The following SAMD9L variants were observed in gnomAD, a reference collection of about 807,000 sequenced individuals.
The protein encoded by SAMD9L is sterile alpha motif domain containing 9 like.
A neutral mutation model predicts 90.7 loss-of-function variants in SAMD9L; 68 were observed. The ratio of observed to expected loss-of-function variants is 0.75; its 90% CI spans 0.62 to 0.92. The LOEUF (loss-of-function observed/expected upper bound fraction) is 0.92. SAMD9L is among the 40% of genes least tolerant of loss of function. The pLI is 0.00. For missense variants in SAMD9L, 1,604 were observed against 1,824.3 expected (o/e 0.88, Z 2.20); for synonymous variants, 640 against 630.1 (o/e 1.02, Z -0.23).
Position 93,134,736 on chromosome 7 carries a change from T to C in SAMD9L, c.1236A>G (p.Ser412=). ...LIGNRDSLDN[S]YYDWYILVTN... is the part of the protein sequence containing the mutation. ...TTACAAGAATGTACCAGTCATAGTA[T>C]GAATTATCCAGTGAGTCTCGGTTTC... Residue 412 remains serine (S), a synonymous_variant, in exon 5 of 5, where the codon TCA becomes TCG. Transcript: ENST00000318238. 6.2e-7 allele frequency: 1 copy of C among 1,613,498 alleles called. No individual in the cohort carries two copies. Among genetic ancestry groups the C allele is most frequent in the African/African-American group, 1.3e-5 (1 of 75,050 alleles).
Position 93,138,384 on chromosome 7 carries a change from T to C in SAMD9L, c.-20-2393A>G, listed in dbSNP as rs1437864007. ...ATAATCAAAACAGATGTGAAGCTCG[T>C]TCATGACATTTATTGTCCATTGGAG... On this transcript the variant is annotated intron_variant, in intron 4 of 4. Transcript: ENST00000318238. Among the ~76,000 whole-genome samples, 6 of 152,244 alleles carry C rather than the reference T, an allele frequency of 3.9e-5. No homozygotes were observed. In the East Asian group the frequency reaches 1.2e-3, roughly 29 times the overall value.
chr7:93,134,133 A>G lies in SAMD9L; in HGVS notation c.1839T>C (p.Asn613=). Residue 613 remains asparagine (N), a synonymous_variant, in exon 5 of 5, where the codon AAT becomes AAC. Transcript: ENST00000318238. Reference sequence around the variant, plus strand: ...GGATAGTGCTGTTTACCAGTTCTATATTTAAAGTGGAAATACTGTGGTTTG... The same window carrying G: ...GGATAGTGCTGTTTACCAGTTCTATGTTTAAAGTGGAAATACTGTGGTTTG... ...ELTNHSISTL[N]IELVNSTILK... is the part of the protein sequence containing the mutation. The G allele has an allele frequency of 1.9e-6, 3 of 1,613,934 alleles. No individual in the cohort carries two copies. Among genetic ancestry groups the G allele is most frequent in the Non-Finnish European group, 2.5e-6 (3 of 1,179,874 alleles).
In SAMD9L at chr7:93,146,966, C is replaced by G. The variant is rs1205390714; in HGVS notation, c.-862G>C. On this transcript the variant is annotated 5_prime_UTR_variant, in exon 2 of 5. Coordinates refer to ENST00000318238, the MANE Select transcript of SAMD9L (RefSeq NM_152703.5). Reference sequence around the variant, plus strand: ...TCCCTGGAGGAGGTCCCTTTTGACTCTAGGTCCCCAGTGTCTTAAGACCTT... The same window carrying G: ...TCCCTGGAGGAGGTCCCTTTTGACTGTAGGTCCCCAGTGTCTTAAGACCTT... The G allele has an allele frequency of 6.6e-6, 1 of 152,252 alleles. No homozygotes were observed. The highest frequency in any genetic ancestry group is 1.5e-5 in the Non-Finnish European group (1 of 68,082). The allele number at this position is 152,252 out of a possible 1,614,324, so 9.4% of individuals were successfully genotyped here. A position where few individuals can be genotyped will look rare whatever the true frequency, so the allele number is the denominator to read the frequency against.
Position 93,147,032 on chromosome 7 carries a change from C to G in SAMD9L, c.-928G>C, listed in dbSNP as rs1351196629. ...CTGCCTTTGCTGGGAAGCTGCTCTT[C>G]TGGCAAGGGGCTTACACTTTCCACA... On this transcript the variant is annotated 5_prime_UTR_variant, in exon 2 of 5. Transcript: ENST00000318238. 1 of 152,250 alleles carries G rather than the reference C, an allele frequency of 6.6e-6. No individual in the cohort carries two copies. Among genetic ancestry groups the G allele is most frequent in the Non-Finnish European group, 1.5e-5 (1 of 68,060 alleles). 9.4% of individuals were successfully genotyped at this position (152,250 alleles called of 1,614,324 possible). A position where few individuals can be genotyped will look rare whatever the true frequency, so the allele number is the denominator to read the frequency against.
intron 2 of SAMD9L, among the ~76,000 whole-genome samples, 197 bp downstream of exon 2, chr7:93,146,686 G>A (rs1251846804): frequency 2.0e-5 from 3 of 152,128 alleles, no homozygotes; most frequent in Non-Finnish European, 4.4e-5. Context: ...AAATTATTTC[G>A]CTTGGCTGGA....
At position 93,139,272 on chromosome 7, in the gene SAMD9L, A is replaced by G. The variant is rs183446914; in HGVS notation, c.-20-3281T>C. Among the ~76,000 whole-genome samples, 358 of 152,270 alleles carry G rather than the reference A, an allele frequency of 2.4e-3. 2 individuals carry two copies. Among genetic ancestry groups the G allele is most frequent in the African/African-American group, 7.9e-3 (329 of 41,564 alleles). On this transcript the variant is annotated intron_variant, in intron 4 of 4. Coordinates refer to ENST00000318238, the MANE Select transcript of SAMD9L (RefSeq NM_152703.5). The stretch of plus-strand genomic sequence containing the variant: ...AACCCACCTCTATTCCCACGGTCAT[A>G]TCCTTGACCTTATCATTACTATTAT...
Position 93,134,376 on chromosome 7 carries a change from G to A in SAMD9L, c.1596C>T (p.Leu532=). 2 of 1,612,464 alleles carry A rather than the reference G, an allele frequency of 1.2e-6. No individual in the cohort carries two copies. Among genetic ancestry groups the A allele is most frequent in the Non-Finnish European group, 1.7e-6 (2 of 1,179,586 alleles). ...ASEVRKLILF[L]TDENIMTRGK... Reference sequence around the variant, plus strand: ...CTCTTGTCATTATATTTTCATCTGTGAGAAATAAAATTAGTTTCCTGACTT... The same window carrying A: ...CTCTTGTCATTATATTTTCATCTGTAAGAAATAAAATTAGTTTCCTGACTT... Residue 532 remains leucine, a synonymous_variant, in exon 5 of 5, where the codon CTC becomes CTT. Transcript: ENST00000318238.
At position 93,135,439 on chromosome 7, in the gene SAMD9L, A is replaced by G. The variant is rs770627470; in HGVS notation, c.533T>C (p.Ile178Thr). 3.7e-6 allele frequency: 6 copies of G among 1,614,036 alleles called. No homozygotes were observed. In the Admixed American group the frequency reaches 5.0e-5, roughly 13 times the overall value. Residue 178 changes from isoleucine (I) to threonine (T), a missense_variant, in exon 5 of 5, where the codon ATA (isoleucine) becomes ACA (threonine). Ile to Thr is a moderately conservative substitution (Grantham distance 89, BLOSUM62 -1). Transcript: ENST00000318238. ...TTCAGGTTGTAGAGTATAATGTTCT[A>G]TGTAGCGATGGCTGTCATGGAACTG... ...FDQFHDSHRY[I>T]EHYTLQPETG...
rs764248191 is a variant in SAMD9L at position 93,131,749 on chromosome 7, T to A, written c.4223A>T (p.Lys1408Ile). Residue 1408 changes from lysine (K) to isoleucine (I), a missense_variant, in exon 5 of 5, where the codon AAA becomes ATA. Physicochemically the swap from Lys to Ile is moderately radical, Grantham distance 102 (BLOSUM62 -3). Around this residue, in one of 7 missense-constraint regions of SAMD9L, gnomAD observed 282 missense variants for 329.6 expected, o/e 0.86. Coordinates refer to ENST00000318238, the MANE Select transcript of SAMD9L (RefSeq NM_152703.5). ...KLIQPLTTLK[K>I]QLREVLQFVG... The stretch of plus-strand genomic sequence containing the variant: ...AAATTGCAAGACCTCTCGGAGTTGT[T>A]TTTTTAGCGTGGTAAGTGGTTGAAT... 3 of 1,613,744 alleles carry A rather than the reference T, an allele frequency of 1.9e-6. No homozygotes were observed. Among genetic ancestry groups the A allele is most frequent in the Non-Finnish European group, 2.5e-6 (3 of 1,179,810 alleles).
chr7:93,133,112 G>T lies in SAMD9L; in HGVS notation c.2860C>A (p.Pro954Thr). 6.2e-7 allele frequency: 1 copy of T among 1,612,600 alleles called. No individual in the cohort carries two copies. Residue 954 changes from proline to threonine, a missense_variant, in exon 5 of 5, where the codon CCC (proline) becomes ACC (threonine). Physicochemically the swap from Pro to Thr is conservative, Grantham distance 38. This residue lies in a region of SAMD9L where 606 missense variants were observed against 717.6 expected (regional missense o/e 0.84). Transcript: ENST00000318238. The part of the protein sequence containing the change: ...IFLGIIYTST[P>T]WEPESLEDKM... ...TCTTCTAAGCTTTCAGGTTCCCAGG[G>T]TGTACTAGTGTATATGATTCCCAAA...
chr7:93,141,303 T>C (rs1400510162), intron 4 of SAMD9L, among the ~76,000 whole-genome samples: 2 of 152,176 alleles, frequency 1.3e-5, no homozygotes, highest in African/African-American at 4.8e-5. Context: ...TTATCTAGAG[T>C]TTCTCCCTAT....
In SAMD9L at chr7:93,131,425, T is replaced by G. The variant is rs10282508; in HGVS notation, c.4547A>C (p.Asn1516Thr). The G allele has an allele frequency of 0.058, 92,760 of 1,612,994 alleles. 3,846 individuals carry two copies. The highest frequency in any genetic ancestry group is 0.2 in the African/African-American group (15,052 of 74,876). ...LWHSGDVWKK[N>T]EVKDLLRRLT... The stretch of plus-strand genomic sequence containing the variant: ...ACGACGCAGGAGGTCTTTGACTTCA[T>G]TTTTTTTCCACACATCCCCACTGTG... The change falls in exon 5 of 5, where the codon AAT becomes ACT. Residue 1516 changes from asparagine (N) to threonine (T), a missense_variant. Asn to Thr is a moderately conservative substitution (Grantham distance 65). Transcript: ENST00000318238.
chr7:93,144,330 A>G (rs1435756234), intron 4 of SAMD9L, among the ~76,000 whole-genome samples: 1 of 152,158 alleles, frequency 6.6e-6, no homozygotes, highest in Non-Finnish European at 1.5e-5. Context: ...GATTGAAAAT[A>G]TTTGAAAAAA....
Position 93,135,330 on chromosome 7 carries a change from C to T in SAMD9L, c.642G>A (p.Lys214=). The change falls in exon 5 of 5, where the codon AAG becomes AAA. Residue 214 remains lysine, a synonymous_variant. Coordinates refer to ENST00000318238, the MANE Select transcript of SAMD9L (RefSeq NM_152703.5). The stretch of plus-strand genomic sequence containing the variant: ...GGAAGACTTCATTGCTGAATTTCAT[C>T]TTAATGTCCACTTCCGTGGCTGTTT... The part of the protein sequence containing the change: ...NTETATEVDI[K]MKFSNEVFRF... The T allele has an allele frequency of 6.2e-7, 1 of 1,614,126 alleles. No individual in the cohort carries two copies. Among genetic ancestry groups the T allele is most frequent in the African/African-American group, 1.3e-5 (1 of 75,052 alleles).
In SAMD9L at chr7:93,135,810, G is replaced by T; in HGVS notation, c.162C>A (p.Asp54Glu). The T allele has an allele frequency of 6.2e-7, 1 of 1,614,018 alleles. No homozygotes were observed. Among genetic ancestry groups the T allele is most frequent in the Non-Finnish European group, 8.5e-7 (1 of 1,179,970 alleles). Reference sequence around the variant, plus strand: ...CCCATGGTAGCCCCATTTCTACAAGGTCCTTCTCAGTTAATTCCTGCAGGA... The same window carrying T: ...CCCATGGTAGCCCCATTTCTACAAGTTCCTTCTCAGTTAATTCCTGCAGGA... ...GLVLQELTEK[D>E]LVEMGLPWGP... The change falls in exon 5 of 5, where the codon GAC becomes GAA. Residue 54 changes from aspartate (D) to glutamate (E), a missense_variant. Asp to Glu is a conservative substitution (Grantham distance 45). This residue lies in a region of SAMD9L where 374 missense variants were observed against 363.6 expected (regional missense o/e 1.03). Transcript: ENST00000318238.
At chr7:93,147,979 A>G (rs1792957758) in intron 1 of SAMD9L, among the ~76,000 whole-genome samples, 1 of 152,204 alleles carries the variant, frequency 6.6e-6, no homozygotes, top group Admixed American at 6.5e-5. Flanking sequence ...ACTTAATGGT[A>G]TGTTTCTTTT....
rs1792969032 is a variant in SAMD9L, at chr7:93,148,230, A to G, written c.-1079T>C. 1.3e-5 allele frequency: 2 copies of G among 152,216 alleles called. No individual in the cohort carries two copies. 9.4% of individuals were successfully genotyped at this position (152,216 alleles called of 1,614,324 possible). On this transcript the variant is annotated 5_prime_UTR_variant, in exon 1 of 5. Transcript: ENST00000318238. ...TGAAAATGTCATCGTTTTATATCAG[A>G]AACTTGAAACAGGCCATTTGAACTT...
Position 93,135,100 on chromosome 7 carries a change from T to A in SAMD9L, c.872A>T (p.Glu291Val). Reference protein sequence around the residue: ...KKCIREPRFVEVLLQNNTPSD... With the variant: ...KKCIREPRFVVVLLQNNTPSD... ...TGGTGTATTGTTCTGCAGAAGGACT[T>A]CCACAAACCTTGGCTCCCGAATACA... Residue 291 changes from glutamate (E) to valine (V), a missense_variant, in exon 5 of 5, where the codon GAA becomes GTA. Physicochemically the swap from Glu to Val is moderately radical, Grantham distance 121. Transcript: ENST00000318238. 6.2e-7 allele frequency: 1 copy of A among 1,612,754 alleles called. No homozygotes were observed. The highest frequency in any genetic ancestry group is 8.5e-7 in the Non-Finnish European group (1 of 1,179,942).
At chr7:93,138,157 T>A (rs1412171253) in intron 4 of SAMD9L, among the ~76,000 whole-genome samples, 1 of 152,126 alleles carries the variant, frequency 6.6e-6, no homozygotes, top group Non-Finnish European at 1.5e-5. Flanking sequence ...GCTATAAACG[T>A]ATTTTAGATG....
Sources: allele counts gnomAD v4.1 joint callset (sites outside exome capture counted in the v4.1 genomes callset), GRCh38; gene constraint gnomAD v4.1.1; regional missense constraint gnomAD v4.1.1; transcripts MANE v1.5; gene names NCBI Gene and HGNC (gene_info 2026-07-23, HGNC 2026-07-21).